Variants in HIVEP3 observed in about 807,000 individuals in gnomAD.
The protein encoded by HIVEP3 is transcription factor HIVEP3.
HIVEP3 carries 49 observed loss-of-function variants against 152.8 expected under a neutral mutation model. That is an observed-to-expected ratio of 0.32 (90% CI 0.26 to 0.41). The LOEUF (loss-of-function observed/expected upper bound fraction) is 0.41. Among genes scored for constraint, HIVEP3 ranks in the 10% least tolerant of loss-of-function variants. The pLI is 1.00. For missense variants in HIVEP3, 2,790 were observed against 3,103.3 expected, an observed-to-expected ratio of 0.90 and a Z score of 2.40; for synonymous variants, 1,269 against 1,289.0, an observed-to-expected ratio of 0.98 and a Z score of 0.33.
intron 1 of HIVEP3, among the ~76,000 whole-genome samples, chr1:41,968,407 T>G (rs771914363): frequency 2.0e-5 from 3 of 152,154 alleles, no homozygotes; most frequent in Non-Finnish European, 4.4e-5. Context: ...GTTCAACTTG[T>G]GCAAATCAAT....
chr1:41,619,751 T>A (rs886132465), intron 3 of HIVEP3, among the ~76,000 whole-genome samples: 2 of 152,164 alleles, frequency 1.3e-5, no homozygotes, highest in African/African-American at 4.8e-5. Context: ...GTCCGAATGC[T>A]ATATTTTTGG....
chr1:41,953,300 C>G (rs1236926398), intron 1 of HIVEP3, among the ~76,000 whole-genome samples: 2 of 152,264 alleles, frequency 1.3e-5, no homozygotes, highest in African/African-American at 4.8e-5. Flanking sequence ...AGTCAGACTG[C>G]CTGGGTTCAA....
intron 1 of HIVEP3, among the ~76,000 whole-genome samples, chr1:41,746,027 G>A (rs1294966686): frequency 1.3e-5 from 2 of 152,200 alleles, no homozygotes; most frequent in Non-Finnish European, 2.9e-5. Flanking sequence ...GCCCCTGGCT[G>A]AGATGATTCT....
intron 1 of HIVEP3, among the ~76,000 whole-genome samples, chr1:41,820,010 TA>T (rs937648538): frequency 6.6e-6 from 1 of 152,008 alleles, no homozygotes; most frequent in African/African-American, 2.4e-5. Flanking sequence ...AATAAGGAAA[TA>T]AATGAATGGG....
intron 3 of HIVEP3, among the ~76,000 whole-genome samples, chr1:41,625,846 T>C (rs10890148): frequency 0.59 from 90,118 of 152,152 alleles, 27,533 homozygotes; most frequent in African/African-American, 0.75. Flanking sequence ...TTAAACAATG[T>C]TAAAAATTTG....
intron 1 of HIVEP3, among the ~76,000 whole-genome samples, chr1:41,750,259 TGTAA>T (rs1647138875): frequency 6.6e-6 from 1 of 152,224 alleles, no homozygotes; most frequent in Admixed American, 6.5e-5. Flanking sequence ...AGCAAGCACT[TGTAA>T]GTGTTAGCAG....
At chr1:41,529,169 T>C (rs1569766635) in intron 5 of HIVEP3, among the ~76,000 whole-genome samples, 1 of 49,494 alleles carries the variant, frequency 2.0e-5, no homozygotes, top group Non-Finnish European at 3.9e-5. Flanking sequence ...TCACACATGC[T>C]CACACCCCAC....
At chr1:41,784,338 T>C (rs1464522339) in intron 1 of HIVEP3, among the ~76,000 whole-genome samples, 1 of 152,380 alleles carries the variant, frequency 6.6e-6, no homozygotes, top group South Asian at 2.1e-4. Flanking sequence ...CATGTTGAAA[T>C]AACCTTTTGG....
intron 3 of HIVEP3, among the ~76,000 whole-genome samples, chr1:41,597,485 C>T (rs1039084897): frequency 2.6e-5 from 4 of 152,164 alleles, no homozygotes; most frequent in South Asian, 2.1e-4. Context: ...TAGTATGTTA[C>T]GCAAATTCAC....
intron 3 of HIVEP3, among the ~76,000 whole-genome samples, chr1:41,615,933 A>G (rs1644962540): frequency 6.9e-6 from 1 of 144,084 alleles, no homozygotes; most frequent in Non-Finnish European, 1.5e-5. Context: ...TATATTTGTT[A>G]AATATATTAA....
At chr1:41,694,692 G>C (rs560565795) in intron 2 of HIVEP3, among the ~76,000 whole-genome samples, 84 of 152,296 alleles carry the variant, frequency 5.5e-4, no homozygotes, top group African/African-American at 2.0e-3. Flanking sequence ...CCAAGCAACA[G>C]GGCACTTCTC....
rs761904749 is a variant in HIVEP3 at position 41,837,640 on chromosome 1, C to T, written c.-801+80773G>A. The stretch of plus-strand genomic sequence containing the variant: ...CACGCCCGGCCTGCTCTTTTGTCTT[C>T]TTCATAACCCCTGTTAGCACCGGAC... On this transcript the variant is annotated intron_variant, in intron 1 of 8. Coordinates refer to ENST00000372583, the MANE Select transcript of HIVEP3 (RefSeq NM_024503.5). 4.6e-5 allele frequency among the ~76,000 whole-genome samples: 7 copies of T among 152,298 alleles called. No homozygotes were observed. The South Asian group carries it at 1.0e-3, about 23-fold the overall frequency.
At chr1:41,783,092 G>A (rs997537934) in intron 1 of HIVEP3, among the ~76,000 whole-genome samples, 2 of 152,216 alleles carry the variant, frequency 1.3e-5, no homozygotes, top group African/African-American at 2.4e-5. Flanking sequence ...AGCTGACTCT[G>A]GTGGGTGTTT....
At chr1:42,002,888 T>C (rs1018246095) in intron 1 of HIVEP3, among the ~76,000 whole-genome samples, 15 of 152,156 alleles carry the variant, frequency 9.9e-5, no homozygotes, top group Non-Finnish European at 2.2e-4. Flanking sequence ...TTCTGGCATT[T>C]TACCCGCACA....
chr1:41,663,561 G>A (rs766149184), intron 2 of HIVEP3, among the ~76,000 whole-genome samples: 1 of 152,158 alleles, frequency 6.6e-6, no homozygotes, highest in Non-Finnish European at 1.5e-5. Context: ...GCATTTGTGT[G>A]CCTTTATACA....
intron 1 of HIVEP3, among the ~76,000 whole-genome samples, chr1:41,727,544 A>G (rs1355304088): frequency 6.6e-6 from 1 of 152,252 alleles, no homozygotes; most frequent in East Asian, 1.9e-4. Context: ...AGCAGAAACT[A>G]AAACAAGTGA....
chr1:41,546,228 T>C (rs1042771180), intron 5 of HIVEP3, among the ~76,000 whole-genome samples: 8 of 152,224 alleles, frequency 5.3e-5, no homozygotes, highest in African/African-American at 1.4e-4. Context: ...GAGGTGAAGT[T>C]GTTCGAGGTC....
At chr1:42,022,606 T>C (rs1196015645) in intron 1 of HIVEP3, among the ~76,000 whole-genome samples, 17 of 152,232 alleles carry the variant, frequency 1.1e-4, no homozygotes. Flanking sequence ...TATATATTCT[T>C]CTCAGCAACC....
At chr1:41,561,852 C>G (rs540911317) in intron 5 of HIVEP3, among the ~76,000 whole-genome samples, 5 of 138,564 alleles carry the variant, frequency 3.6e-5, no homozygotes, top group Non-Finnish European at 1.6e-5. Context: ...AATGCATTTA[C>G]AGAGTTGGTG....
Sources: gnomAD v4.1 joint callset for allele counts (sites outside exome capture counted in the v4.1 genomes callset) on GRCh38, gnomAD v4.1.1 for gene constraint, MANE v1.5 for transcripts, NCBI Gene and HGNC (gene_info 2026-07-23, HGNC 2026-07-21) for gene names.